The following MID2 variants were observed in gnomAD, a reference collection of about 807,000 sequenced individuals.
The protein encoded by MID2 is midline 2.
Under a neutral mutation model 46.1 loss-of-function variants are expected in MID2, and 13 were observed. The ratio of observed to expected loss-of-function variants is 0.28; its 90% CI spans 0.18 to 0.45. The LOEUF (loss-of-function observed/expected upper bound fraction) is 0.45. Ranked by LOEUF, MID2 falls within the 20% of genes least tolerant of loss-of-function variation. MID2 has a pLI of 1.00. For synonymous variants in MID2, 199 were observed against 212.3 expected (o/e 0.94, Z 0.55); for missense variants, 431 against 575.4 (o/e 0.75, Z 2.57).
intron 3 of MID2, among the ~76,000 whole-genome samples, chrX:107,855,839 T>C (rs953835888): frequency 8.9e-6 from 1 of 111,835 alleles, no homozygotes; most frequent in Non-Finnish European, 1.9e-5. Flanking sequence ...ACTCCATTTG[T>C]GGAAGAGAGT....
chrX:107,851,855 T>TTTTA lies in MID2; in HGVS notation c.721-2711_721-2708dup, dbSNP rs199930811. ...GCCATATATTTTATTTCTTTATACT[T>TTTTA]TTTATTTATTTATTTATTTATTTAT... On this transcript the variant is annotated intron_variant, in intron 2 of 9. Transcript: ENST00000262843. Among the ~76,000 whole-genome samples the TTTTA allele has an allele frequency of 4.6e-3, 428 of 93,812 alleles. 1 individual carries two copies. The highest frequency in any genetic ancestry group is 8.1e-3 in the South Asian group (15 of 1,854). 81.5% of individuals were successfully genotyped at this position (93,812 alleles called of 115,157 possible). A position where few individuals can be genotyped will look rare whatever the true frequency, so the allele number is the denominator to read the frequency against.
At chrX:107,903,884 C>G in intron 3 of MID2, 74 bp from the exon 4 acceptor site, 2 of 700,035 alleles carry the variant, frequency 2.9e-6, no homozygotes, top group Non-Finnish European at 2.3e-6. Context: ...GCTTAGCTGT[C>G]AGTCCGAACC....
Position 107,924,424 on chromosome X carries a change from G to A in MID2, c.1517G>A (p.Gly506Glu). The stretch of plus-strand genomic sequence containing the variant: ...TACACAGTGCATGGACTCCAGAGCG[G>A]GACTCGCTACATCTTCATCGTTAAA... ...NHYTVHGLQSGTRYIFIVKAI... is the reference protein window; with the variant it reads ...NHYTVHGLQSETRYIFIVKAI... Residue 506 changes from glycine (G) to glutamate (E), a missense_variant, in exon 8 of 10, where the codon GGG becomes GAG. Transcript: ENST00000262843. The A allele has an allele frequency of 1.7e-6, 2 of 1,211,032 alleles. No individual in the cohort carries two copies. The highest frequency in any genetic ancestry group is 2.2e-6 in the Non-Finnish European group (2 of 894,893).
chrX:107,826,347 C>CG lies in MID2; in HGVS notation c.-79dup. On this transcript the variant is annotated 5_prime_UTR_variant, in exon 1 of 10. Coordinates refer to ENST00000262843, the MANE Select transcript of MID2 (RefSeq NM_012216.4). ...GGGCCCGGGAGCTCGCGCCGGAGCC[C>CG]GAGCCAACCCGCTGCGGAGGCAGAC... 5.5e-6 allele frequency: 6 copies of CG among 1,089,042 alleles called. No homozygotes were observed. The highest frequency in any genetic ancestry group is 7.2e-6 in the Non-Finnish European group (6 of 829,561). 89.7% of individuals were successfully genotyped at this position (1,089,042 alleles called of 1,213,427 possible). A position where few individuals can be genotyped will look rare whatever the true frequency, so the allele number is the denominator to read the frequency against.
chrX:107,908,416 A>T (rs1569470202), intron 5 of MID2, among the ~76,000 whole-genome samples: 1 of 111,456 alleles, frequency 9.0e-6, no homozygotes, highest in Non-Finnish European at 1.9e-5. Context: ...AACACATGCA[A>T]GTGTGTTTCA....
chrX:107,878,519 A>T (rs772063650), intron 3 of MID2, among the ~76,000 whole-genome samples: 1 of 112,605 alleles, frequency 8.9e-6, no homozygotes, highest in South Asian at 3.7e-4. Context: ...AAAAGAAGCA[A>T]TAGGAGCCAT....
rs1017629201 is a variant in MID2 at position 107,928,486 on chromosome X, C to T, written c.*1413C>T. ...CCCTTTCCAGGAGCTAAGTTGGCTT[C>T]GGAAGTCTTCTGGGATTTGTGAAAA... On this transcript the variant is annotated 3_prime_UTR_variant, in exon 10 of 10. Transcript: ENST00000262843. 2.7e-5 allele frequency among the ~76,000 whole-genome samples: 3 copies of T among 110,447 alleles called. No individual in the cohort carries two copies. The highest frequency in any genetic ancestry group is 3.8e-5 in the Non-Finnish European group (2 of 52,775).
At chrX:107,882,746 CTGT>C (rs1046263684) in intron 3 of MID2, among the ~76,000 whole-genome samples, 3 of 112,113 alleles carry the variant, frequency 2.7e-5, no homozygotes, top group Non-Finnish European at 5.6e-5. Context: ...CACTTTTACA[CTGT>C]TGGTGGGACT....
At chrX:107,914,036 A>G (rs1932929643) in intron 5 of MID2, among the ~76,000 whole-genome samples, 1 of 112,105 alleles carries the variant, frequency 8.9e-6, no homozygotes. Flanking sequence ...GTGAAAATCG[A>G]CTTCCACATG....
At chrX:107,913,290 TATCTTTTG>T (rs1276961963) in intron 5 of MID2, among the ~76,000 whole-genome samples, 3 of 112,301 alleles carry the variant, frequency 2.7e-5, no homozygotes, top group Non-Finnish European at 5.6e-5. Flanking sequence ...CATGTTATTT[TATCTTTTG>T]ATGTATAGTA....
At chrX:107,845,492 AACACACACACACAC>A (rs1177184448) in intron 2 of MID2, among the ~76,000 whole-genome samples, 1 of 86,524 alleles carries the variant, frequency 1.2e-5, no homozygotes, top group African/African-American at 5.2e-5. Context: ...ATGGGAAAGT[AACACACACACACAC>A]ACACACACAC....
At position 107,927,832 on chromosome X, in the gene MID2, C is replaced by T. The variant is rs924747892; in HGVS notation, c.*759C>T. 2.7e-5 allele frequency among the ~76,000 whole-genome samples: 3 copies of T among 111,637 alleles called. No individual in the cohort carries two copies. The highest frequency in any genetic ancestry group is 3.8e-5 in the Non-Finnish European group (2 of 53,092). ...CAAAATCAATCAACATTTATTTCCT[C>T]CCTCTATCCATCATTGCCTTCCTCC... On this transcript the variant is annotated 3_prime_UTR_variant, in exon 10 of 10. Transcript: ENST00000262843.
intron 2 of MID2, among the ~76,000 whole-genome samples, chrX:107,844,164 C>A (rs965432704): frequency 9.0e-6 from 1 of 110,944 alleles, no homozygotes; most frequent in Non-Finnish European, 1.9e-5. Flanking sequence ...ATAAATAAAC[C>A]ATTATGTTAT....
chrX:107,897,195 A>T (rs1050038204), intron 3 of MID2, among the ~76,000 whole-genome samples: 1 of 111,357 alleles, frequency 9.0e-6, no homozygotes, highest in Non-Finnish European at 1.9e-5. Flanking sequence ...TACGATAGTT[A>T]TACTTCTAGA....
Position 107,848,889 on chromosome X carries a change from CT to C in MID2, c.721-5719del, listed in dbSNP as rs1215227879. ...TAAAAGCATGTGAAGATTCTGGCTT[CT>C]GGCTTTTGGAAGAGCTGAAAATGTC... On this transcript the variant is annotated intron_variant, in intron 2 of 9. Coordinates refer to ENST00000262843, the MANE Select transcript of MID2 (RefSeq NM_012216.4). 2.7e-5 allele frequency among the ~76,000 whole-genome samples: 3 copies of C among 112,189 alleles called. No homozygotes were observed. In the Admixed American group the frequency reaches 2.8e-4, roughly 11 times the overall value.
At chrX:107,884,317 G>A (rs1932397162) in intron 3 of MID2, among the ~76,000 whole-genome samples, 1 of 112,246 alleles carries the variant, frequency 8.9e-6, no homozygotes, top group African/African-American at 3.2e-5. Context: ...AGTTGGAGAG[G>A]AGTAGGCATG....
At chrX:107,912,614 A>G (rs763587704) in intron 5 of MID2, among the ~76,000 whole-genome samples, 5 of 110,532 alleles carry the variant, frequency 4.5e-5, no homozygotes, top group Non-Finnish European at 9.5e-5. Flanking sequence ...CTTTAATGCT[A>G]TTGTTCTTTG....
At chrX:107,914,943 T>C (rs765274419) in intron 5 of MID2, among the ~76,000 whole-genome samples, 20 of 112,336 alleles carry the variant, frequency 1.8e-4, no homozygotes, top group Non-Finnish European at 3.2e-4. Flanking sequence ...AACTTTCTCA[T>C]TCGCAAAATG....
intron 3 of MID2, among the ~76,000 whole-genome samples, chrX:107,887,181 A>G (rs1158852683): frequency 9.0e-6 from 1 of 111,604 alleles, no homozygotes; most frequent in Non-Finnish European, 1.9e-5. Flanking sequence ...GTGGTGAGAG[A>G]GGGCATCCCT....
Sources: gnomAD v4.1 joint callset for allele counts (sites outside exome capture counted in the v4.1 genomes callset) on GRCh38, gnomAD v4.1.1 for gene constraint, MANE v1.5 for transcripts, NCBI Gene and HGNC (gene_info 2026-07-23, HGNC 2026-07-21) for gene names.